Variants in CUBN observed in about 807,000 individuals in gnomAD.
CUBN encodes the protein 460 kDa receptor.
In CUBN, 282 loss-of-function variants were observed where a neutral mutation model predicts 405.3. That is an observed-to-expected ratio of 0.70 (90% CI 0.63 to 0.77). The LOEUF is 0.77. CUBN is among the 30% of genes least tolerant of loss of function. The probability of loss-of-function intolerance (pLI) is 0.00; values close to 1 mark genes in which losing one functional copy is unlikely to be tolerated. For synonymous variants in CUBN, 1,684 were observed against 1,617.0 expected (o/e 1.04, Z -0.99); for missense variants, 4,514 against 4,475.2 (o/e 1.01, Z -0.25).
At chr10:17,010,999 A>T (rs534476606) in intron 28 of CUBN, among the ~76,000 whole-genome samples, 1 of 152,240 alleles carries the variant, frequency 6.6e-6, no homozygotes, top group African/African-American at 2.4e-5. Context: ...GCTAGAGCTC[A>T]GCCCTGATTT....
chr10:16,874,720 G>A (rs1248367951), intron 57 of CUBN, among the ~76,000 whole-genome samples: 1 of 152,194 alleles, frequency 6.6e-6, no homozygotes, highest in Non-Finnish European at 1.5e-5. Flanking sequence ...TAGAAACAGG[G>A]AAGAATATTT....
At chr10:16,878,397 G>C (rs1840575269) in intron 56 of CUBN, among the ~76,000 whole-genome samples, 1 of 152,076 alleles carries the variant, frequency 6.6e-6, no homozygotes, top group Admixed American at 6.6e-5. Flanking sequence ...ATATAGATGT[G>C]CCATCCACAT....
At chr10:17,088,617 T>C (rs962876046) in intron 14 of CUBN, among the ~76,000 whole-genome samples, 7 of 152,226 alleles carry the variant, frequency 4.6e-5, no homozygotes, top group African/African-American at 1.7e-4. Flanking sequence ...GGCTGAACCA[T>C]CTGAGCGATG....
rs371665308 is a variant in CUBN, at chr10:16,840,534, C to T, written c.9828G>A (p.Met3276Ile). 8.8e-6 allele frequency: 14 copies of T among 1,589,424 alleles called. No homozygotes were observed. Among genetic ancestry groups the T allele is most frequent in the Non-Finnish European group, 1.0e-5 (12 of 1,166,168 alleles). Reference protein sequence around the residue: ...GFNATYTIMDMPCGGTYNATW... With the variant: ...GFNATYTIMDIPCGGTYNATW... ...TTGCATTGTATGTTCCACCACAAGG[C>T]ACTGGAGAGGGAGGAAAAAGCAACA... The change falls in exon 62 of 67, where the codon ATG (methionine) becomes ATA (isoleucine). Residue 3276 changes from methionine (M) to isoleucine (I), a missense_variant and splice_region_variant. Physicochemically the swap from Met to Ile is conservative, Grantham distance 10 (BLOSUM62 1). Around this residue, in one of 5 missense-constraint regions of CUBN, gnomAD observed 1,186 missense variants for 1,186.9 expected, o/e 1.00. Coordinates refer to ENST00000377833, the MANE Select transcript of CUBN (RefSeq NM_001081.4).
chr10:16,872,598 T>C (rs1011389195), intron 58 of CUBN, among the ~76,000 whole-genome samples: 2 of 152,188 alleles, frequency 1.3e-5, no homozygotes, highest in Non-Finnish European at 2.9e-5. Flanking sequence ...GTACCTTCTA[T>C]AAGCCAGAAA....
At chr10:16,921,878 C>T (rs931673481) in intron 43 of CUBN, among the ~76,000 whole-genome samples, 5 of 152,206 alleles carry the variant, frequency 3.3e-5, no homozygotes, top group African/African-American at 1.2e-4. Flanking sequence ...CGACCACTTA[C>T]TGGGCATCTC....
chr10:17,059,414 T>C (rs1209257311), intron 22 of CUBN, among the ~76,000 whole-genome samples: 3 of 152,106 alleles, frequency 2.0e-5, no homozygotes, highest in Non-Finnish European at 1.5e-5. Context: ...AGGGAGACTC[T>C]AGATTATGGG....
chr10:16,943,853 C>T (rs1197485547), intron 36 of CUBN, among the ~76,000 whole-genome samples: 1 of 152,142 alleles, frequency 6.6e-6, no homozygotes, highest in Non-Finnish European at 1.5e-5. Context: ...CTACTGCAAT[C>T]CAGTGCTAGA....
intron 31 of CUBN, among the ~76,000 whole-genome samples, chr10:16,967,750 G>T (rs968144380): frequency 6.7e-6 from 1 of 148,930 alleles, no homozygotes; most frequent in Non-Finnish European, 1.5e-5. Flanking sequence ...ACAAAGAAAG[G>T]GAAAGATAAG....
intron 56 of CUBN, among the ~76,000 whole-genome samples, chr10:16,884,472 T>C (rs1470714143): frequency 6.6e-6 from 1 of 152,002 alleles, no homozygotes; most frequent in African/African-American, 2.4e-5. Context: ...GTTTAATATT[T>C]GGGAAAATAA....
chr10:16,869,884 T>G (rs765425290), intron 58 of CUBN, 31 bp from the exon 59 acceptor site: 3 of 1,478,712 alleles, frequency 2.0e-6, no homozygotes, highest in Admixed American at 1.7e-5. Flanking sequence ...ATACTGATGT[T>G]TCCATTTGGA....
At position 17,071,842 on chromosome 10, in the gene CUBN, C is replaced by A. The variant is rs1383806161; in HGVS notation, c.2431G>T (p.Ala811Ser). The A allele has an allele frequency of 6.2e-7, 1 of 1,612,442 alleles. No individual in the cohort carries two copies. The highest frequency in any genetic ancestry group is 1.3e-5 in the African/African-American group (1 of 74,846). Reference sequence around the variant, plus strand: ...GTTTCCTTACCGACTTGATAAACAGCTCTGAAACTAGCTTTTTCAACAGAA... The same window carrying A: ...GTTTCCTTACCGACTTGATAAACAGATCTGAAACTAGCTTTTTCAACAGAA... ...DASVEKASFR[A>S]VYQVACGDEL... The change falls in exon 18 of 67, where the codon GCT (alanine) becomes TCT (serine). Residue 811 changes from alanine to serine, a missense_variant. By Grantham distance (99) the Ala-to-Ser change is moderately conservative (BLOSUM62 1). This residue lies in a region of CUBN where 1,448 missense variants were observed against 1,388.0 expected (regional missense o/e 1.04). Transcript: ENST00000377833.
chr10:17,111,250 T>A (rs1564519613), intron 8 of CUBN, among the ~76,000 whole-genome samples, 200 bp from the exon 9 acceptor site: 1 of 152,214 alleles, frequency 6.6e-6, no homozygotes, highest in African/African-American at 2.4e-5. Context: ...GGGCTCCTCT[T>A]ATATGCTGAT....
intron 17 of CUBN, among the ~76,000 whole-genome samples, chr10:17,075,073 C>CTTTTTTTTTTTTTTTTTT (rs957929670): frequency 1.5e-5 from 1 of 65,320 alleles, no homozygotes; most frequent in Non-Finnish European, 2.9e-5. Context: ...TCTTTGTTTT[C>CTTTTTTTTTTTTTTTTTT]TTTTTTTTTT....
chr10:17,024,919 G>A (rs1834615981), intron 27 of CUBN, among the ~76,000 whole-genome samples: 2 of 152,106 alleles, frequency 1.3e-5, no homozygotes, highest in African/African-American at 4.8e-5. Context: ...TTCCTGGAAG[G>A]TCTTCTGGAA....
intron 43 of CUBN, 84 bp downstream of exon 43, chr10:16,925,157 T>C (rs1842146027): frequency 3.7e-6 from 4 of 1,069,760 alleles, no homozygotes; most frequent in African/African-American, 3.1e-5. Context: ...TCTATTACTG[T>C]TGGTTCAGAA....
intron 15 of CUBN, among the ~76,000 whole-genome samples, chr10:17,087,478 T>TC (rs1440551172): frequency 1.0e-5 from 1 of 97,054 alleles, no homozygotes; most frequent in Non-Finnish European, 1.9e-5. Flanking sequence ...TTTTCTTTTT[T>TC]TTTTTTTTTT....
At chr10:16,934,864 C>A (rs925430707) in intron 39 of CUBN, among the ~76,000 whole-genome samples, 1 of 152,126 alleles carries the variant, frequency 6.6e-6, no homozygotes, top group Non-Finnish European at 1.5e-5. Context: ...TGAGAGGCAC[C>A]CAGTTAACAC....
intron 54 of CUBN, among the ~76,000 whole-genome samples, chr10:16,894,193 A>C (rs983517895): frequency 6.6e-6 from 1 of 152,200 alleles, no homozygotes; most frequent in Non-Finnish European, 1.5e-5. Flanking sequence ...TTCACATGGC[A>C]TAAGATTTTT....
Sources: gnomAD v4.1 joint callset for allele counts (sites outside exome capture counted in the v4.1 genomes callset) on GRCh38, gnomAD v4.1.1 for gene constraint, gnomAD v4.1.1 regional missense constraint, MANE v1.5 for transcripts, NCBI Gene and HGNC (gene_info 2026-07-23, HGNC 2026-07-21) for gene names.